Variants in PTPRD observed in about 807,000 individuals in gnomAD.
PTPRD encodes receptor-type tyrosine-protein phosphatase delta.
PTPRD carries 34 observed loss-of-function variants against 214.5 expected under a neutral mutation model. The observed-to-expected ratio is 0.16, with a 90% CI of 0.12 to 0.21. The LOEUF (loss-of-function observed/expected upper bound fraction) is 0.21, where lower values mean the gene tolerates loss of function less well. Ranked by LOEUF, PTPRD falls within the 10% of genes least tolerant of loss-of-function variation. The pLI is 1.00. For synonymous variants in PTPRD, 1,128 were observed against 845.7 expected (o/e 1.33, Z -5.79); for missense variants, 2,545 against 2,398.7 (o/e 1.06, Z -1.27).
At chr9:8,836,587 C>CGTTT (rs2097427566) in intron 11 of PTPRD, among the ~76,000 whole-genome samples, 1 of 66,800 alleles carries the variant, frequency 1.5e-5, no homozygotes, top group Non-Finnish European at 2.6e-5. Context: ...TAATAAAAAC[C>CGTTT]TTTTTTTTTT....
intron 3 of PTPRD, among the ~76,000 whole-genome samples, chr9:10,093,445 T>C (rs1308783470): frequency 6.6e-6 from 1 of 150,976 alleles, no homozygotes; most frequent in Non-Finnish European, 1.5e-5. Context: ...AGTCCAAAAT[T>C]GATAGATCCT....
intron 14 of PTPRD, among the ~76,000 whole-genome samples, chr9:8,586,932 G>C (rs2093702285): frequency 6.6e-6 from 1 of 152,196 alleles, no homozygotes; most frequent in African/African-American, 2.4e-5. Flanking sequence ...CGGACCATGA[G>C]GTCGGAAGAT....
At chr9:10,199,774 G>T (rs1376729845) in intron 3 of PTPRD, among the ~76,000 whole-genome samples, 2 of 151,734 alleles carry the variant, frequency 1.3e-5, no homozygotes, top group African/African-American at 2.4e-5. Flanking sequence ...AGATCATTTT[G>T]CACATTGGTT....
intron 3 of PTPRD, among the ~76,000 whole-genome samples, chr9:10,045,978 G>A (rs962164446): frequency 1.3e-5 from 2 of 151,558 alleles, no homozygotes; most frequent in African/African-American, 4.8e-5. Flanking sequence ...GGTCCTTTTT[G>A]TTTCTAAATC....
At position 9,931,770 on chromosome 9, in the gene PTPRD, G is replaced by C. The variant is rs563272578; in HGVS notation, c.-368+6737C>G. On this transcript the variant is annotated intron_variant, in intron 5 of 45. Transcript: ENST00000381196. ...TACCTCTGTAGGCTCCACCTCTGGG[G>C]GCAGGGCACAGACAAACAAAAAGAC... Among the ~76,000 whole-genome samples, 37 of 151,896 alleles carry C rather than the reference G, an allele frequency of 2.4e-4. No homozygotes were observed. In the East Asian group the frequency reaches 4.9e-3, roughly 20 times the overall value.
chr9:9,061,557 A>G (rs1013113784), intron 10 of PTPRD, among the ~76,000 whole-genome samples: 30 of 152,084 alleles, frequency 2.0e-4, no homozygotes, highest in African/African-American at 7.0e-4. Context: ...AATACACCCC[A>G]AGGTTGTCAA....
chr9:9,507,723 T>C (rs755077477), intron 8 of PTPRD, among the ~76,000 whole-genome samples: 1 of 151,474 alleles, frequency 6.6e-6, no homozygotes, highest in Non-Finnish European at 1.5e-5. Flanking sequence ...GTTGTTATAA[T>C]GTAAATAACT....
chr9:8,967,651 G>A (rs745947271), intron 11 of PTPRD, among the ~76,000 whole-genome samples: 3 of 152,036 alleles, frequency 2.0e-5, no homozygotes, highest in Non-Finnish European at 4.4e-5. Context: ...ATATGGTATT[G>A]AAAATGATTC....
intron 10 of PTPRD, among the ~76,000 whole-genome samples, chr9:9,103,960 G>A (rs1307846346): frequency 6.6e-6 from 1 of 152,052 alleles, no homozygotes; most frequent in Non-Finnish European, 1.5e-5. Context: ...CCCAGCCTGG[G>A]CCATAGAGCA....
chr9:9,795,269 G>C (rs1358140135), intron 5 of PTPRD, among the ~76,000 whole-genome samples: 1 of 152,110 alleles, frequency 6.6e-6, no homozygotes, highest in Non-Finnish European at 1.5e-5. Flanking sequence ...GGAAATAGTG[G>C]GGTATATTGA....
intron 11 of PTPRD, among the ~76,000 whole-genome samples, chr9:8,991,245 G>T (rs2099365499): frequency 2.0e-5 from 3 of 149,828 alleles, no homozygotes; most frequent in South Asian, 4.3e-4. Flanking sequence ...AAAGTTGGTT[G>T]ATAGTTTTCC....
chr9:9,899,006 C>CAA (rs1259670346), intron 5 of PTPRD, among the ~76,000 whole-genome samples: 2 of 152,046 alleles, frequency 1.3e-5, no homozygotes, highest in Non-Finnish European at 2.9e-5. Flanking sequence ...AACTACCAAA[C>CAA]AAAAATTTTC....
At position 9,369,212 on chromosome 9, in the gene PTPRD, T is replaced by A. The variant is rs149454165; in HGVS notation, c.-203+28237A>T. On this transcript the variant is annotated intron_variant, in intron 9 of 45. Coordinates refer to ENST00000381196, the MANE Select transcript of PTPRD (RefSeq NM_002839.4). ...GTCTTCCACAATGGTTGAACTAGTT[T>A]ACAGTCCCACCAACAGTGTAAAAGT... Among the ~76,000 whole-genome samples, 46 of 152,196 alleles carry A rather than the reference T, an allele frequency of 3.0e-4. No homozygotes were observed. In the East Asian group the frequency reaches 7.7e-3, roughly 26 times the overall value.
Position 8,376,080 on chromosome 9 carries a change from C to A in PTPRD, c.4517G>T (p.Ser1506Ile), listed in dbSNP as rs2083155016. The A allele has an allele frequency of 6.2e-7, 1 of 1,612,304 alleles. No individual in the cohort carries two copies. Among genetic ancestry groups the A allele is most frequent in the African/African-American group, 1.3e-5 (1 of 74,764 alleles). The change falls in exon 39 of 46, where the codon AGT (serine) becomes ATT (isoleucine). Residue 1506 changes from serine to isoleucine, a missense_variant. Transcript: ENST00000381196. ...RTFALYKNGS[S>I]EKREVRQFQF... ...GAATTGTCTCACTTCTCTCTTCTCA[C>A]TTGAACCATTCTGTGAAATAGGAAT...
At chr9:8,951,534 G>A (rs191904798) in intron 11 of PTPRD, among the ~76,000 whole-genome samples, 15 of 151,980 alleles carry the variant, frequency 9.9e-5, no homozygotes, top group Non-Finnish European at 1.9e-4. Context: ...CCTAGTAGCT[G>A]TTTTACGTTC....
chr9:8,566,686 A>T (rs573373221), intron 14 of PTPRD, among the ~76,000 whole-genome samples: 43 of 152,332 alleles, frequency 2.8e-4, no homozygotes, highest in African/African-American at 1.0e-3. Flanking sequence ...AATACGTTAG[A>T]CACTCATGAT....
In PTPRD at chr9:9,133,390, T is replaced by C. The variant is rs1208774105; in HGVS notation, c.-143+49914A>G. 3.9e-5 allele frequency among the ~76,000 whole-genome samples: 6 copies of C among 152,222 alleles called. No individual in the cohort carries two copies. The East Asian group carries it at 1.2e-3, about 29-fold the overall frequency. ...TAACTTGGAGCTCTCTAAATATTAA[T>C]CAACATTATCTTCAAATAAATAATA... On this transcript the variant is annotated intron_variant, in intron 10 of 45. Coordinates refer to ENST00000381196, the MANE Select transcript of PTPRD (RefSeq NM_002839.4).
intron 9 of PTPRD, among the ~76,000 whole-genome samples, chr9:9,209,626 T>C (rs1258276694): frequency 2.6e-5 from 4 of 152,214 alleles, no homozygotes; most frequent in Non-Finnish European, 5.9e-5. Context: ...TTGTAGAGGA[T>C]GGTTGAAATG....
intron 39 of PTPRD, among the ~76,000 whole-genome samples, chr9:8,344,526 G>C (rs917540131): frequency 1.3e-5 from 2 of 151,670 alleles, no homozygotes; most frequent in African/African-American, 2.4e-5. Context: ...GGGATGAAAA[G>C]AAATAACAGA....
Sources: gnomAD v4.1 joint callset for allele counts (sites outside exome capture counted in the v4.1 genomes callset) on GRCh38, gnomAD v4.1.1 for gene constraint, MANE v1.5 for transcripts, NCBI Gene and HGNC (gene_info 2026-07-23, HGNC 2026-07-21) for gene names.